The following ANO6 variants were observed in gnomAD, a reference collection of about 807,000 sequenced individuals.
ANO6 encodes anoctamin 6.
In ANO6, 106 loss-of-function variants were observed where a neutral mutation model predicts 117.5. The observed-to-expected ratio is 0.90, with a 90% CI of 0.77 to 1.06. The LOEUF (loss-of-function observed/expected upper bound fraction) is 1.06. Ranked by LOEUF, ANO6 falls within the 50% of genes least tolerant of loss-of-function variation. The probability of loss-of-function intolerance (pLI) is 0.00; values close to 1 mark genes in which losing one functional copy is unlikely to be tolerated. For missense variants in ANO6, 955 were observed against 1,121.1 expected, an observed-to-expected ratio of 0.85 and a Z score of 2.12; for synonymous variants, 367 against 385.1, an observed-to-expected ratio of 0.95 and a Z score of 0.55.
chr12:45,395,023 A>C (rs1942570316), intron 12 of ANO6, among the ~76,000 whole-genome samples: 2 of 152,202 alleles, frequency 1.3e-5, no homozygotes, highest in Non-Finnish European at 2.9e-5. Flanking sequence ...AGACACAAAA[A>C]ACCCTTCAAA....
intron 1 of ANO6, among the ~76,000 whole-genome samples, chr12:45,280,320 A>G (rs79980430): frequency 0.049 from 7,480 of 152,250 alleles, 268 homozygotes; most frequent in South Asian, 0.15. Flanking sequence ...TCAGTAACCC[A>G]GTGTGCTCAG....
At chr12:45,412,038 G>A (rs1943100002) in intron 16 of ANO6, among the ~76,000 whole-genome samples, 4 of 152,230 alleles carry the variant, frequency 2.6e-5, no homozygotes, top group African/African-American at 9.6e-5. Context: ...ACCAAGTTCT[G>A]TATGACCTGT....
chr12:45,408,269 G>A (rs541749153), intron 15 of ANO6, among the ~76,000 whole-genome samples: 29 of 152,296 alleles, frequency 1.9e-4, no homozygotes, highest in African/African-American at 6.7e-4. Context: ...CCAGATGTTA[G>A]ATCTGTATTT....
At chr12:45,248,911 A>G (rs1365379981) in intron 1 of ANO6, among the ~76,000 whole-genome samples, 1 of 152,220 alleles carries the variant, frequency 6.6e-6, no homozygotes, top group Non-Finnish European at 1.5e-5. Flanking sequence ...CTTAGCCAAA[A>G]GTAAGACTGC....
chr12:45,317,005 C>T (rs1480389373), intron 2 of ANO6, among the ~76,000 whole-genome samples: 1 of 147,002 alleles, frequency 6.8e-6, no homozygotes, highest in Non-Finnish European at 1.5e-5. Context: ...ATATAACATA[C>T]ACATTAATAT....
At chr12:45,395,066 A>G (rs1942572107) in intron 12 of ANO6, among the ~76,000 whole-genome samples, 1 of 152,214 alleles carries the variant, frequency 6.6e-6, no homozygotes, top group Admixed American at 6.5e-5. Context: ...GTTTTTTGAA[A>G]AGATCAACAA....
At chr12:45,285,728 A>C (rs1372899419) in intron 1 of ANO6, among the ~76,000 whole-genome samples, 1 of 138,410 alleles carries the variant, frequency 7.2e-6, no homozygotes, top group Admixed American at 7.1e-5. Context: ...ACTCCGTCTC[A>C]AAAAAAAAAA....
chr12:45,400,452 C>CA (rs1942753563), intron 12 of ANO6, among the ~76,000 whole-genome samples: 1 of 152,174 alleles, frequency 6.6e-6, no homozygotes, highest in African/African-American at 2.4e-5. Flanking sequence ...AAATAGATTA[C>CA]AGGAGAAATG....
chr12:45,405,902 C>T (rs1163333429), intron 15 of ANO6, among the ~76,000 whole-genome samples: 1 of 151,924 alleles, frequency 6.6e-6, no homozygotes, highest in African/African-American at 2.4e-5. Context: ...AGCGAAACTC[C>T]ATCTCGAAGA....
chr12:45,278,747 T>A (rs1362807007), intron 1 of ANO6, among the ~76,000 whole-genome samples: 1 of 152,218 alleles, frequency 6.6e-6, no homozygotes, highest in East Asian at 1.9e-4. Flanking sequence ...GCCCTCTCAG[T>A]GTCTGGGAAG....
chr12:45,301,625 A>G (rs2137305674), intron 1 of ANO6, among the ~76,000 whole-genome samples: 1 of 151,958 alleles, frequency 6.6e-6, no homozygotes, highest in African/African-American at 2.4e-5. Context: ...TCAAAAAAAA[A>G]AAAAAAAGAA....
chr12:45,387,357 A>G (rs1330101273), intron 10 of ANO6, among the ~76,000 whole-genome samples: 1 of 152,198 alleles, frequency 6.6e-6, no homozygotes, highest in East Asian at 1.9e-4. Context: ...AATGAATATT[A>G]ATTTATTTGG....
chr12:45,229,225 T>A (rs1278230772), intron 1 of ANO6, among the ~76,000 whole-genome samples: 1 of 152,074 alleles, frequency 6.6e-6, no homozygotes, highest in African/African-American at 2.4e-5. Flanking sequence ...TCACCTTAAT[T>A]TGGCCAAGGG....
At chr12:45,361,773 C>G (rs1395862064) in intron 8 of ANO6, among the ~76,000 whole-genome samples, 1 of 152,046 alleles carries the variant, frequency 6.6e-6, no homozygotes, top group Non-Finnish European at 1.5e-5. Context: ...GTTCGTTATT[C>G]TATTAATATG....
chr12:45,357,489 G>T, intron 8 of ANO6, 65 bp downstream of exon 8: 1 of 1,586,766 alleles, frequency 6.3e-7, no homozygotes, highest in South Asian at 1.1e-5. Context: ...TATTTTCATG[G>T]TCTTAAACTG....
chr12:45,408,240 G>A (rs1454991591), intron 15 of ANO6, among the ~76,000 whole-genome samples: 1 of 152,194 alleles, frequency 6.6e-6, no homozygotes, highest in African/African-American at 2.4e-5. Flanking sequence ...ACACCCACAT[G>A]TTTAATCAGC....
At chr12:45,327,826 T>C (rs1420896024) in intron 2 of ANO6, among the ~76,000 whole-genome samples, 2 of 152,094 alleles carry the variant, frequency 1.3e-5, no homozygotes, top group African/African-American at 4.8e-5. Flanking sequence ...GTGTTGAGTA[T>C]ATATTTTATC....
At position 45,404,334 on chromosome 12, in the gene ANO6, T is replaced by G. The variant is rs187516192; in HGVS notation, c.1880+798T>G. ...ACTTAGGCCCCCTCCACTATCAAAG[T>G]GTAAAGTCCAACACCATCTGCAATT... On this transcript the variant is annotated intron_variant, in intron 15 of 19. Coordinates refer to ENST00000320560, the MANE Select transcript of ANO6 (RefSeq NM_001025356.3). Among the ~76,000 whole-genome samples the G allele has an allele frequency of 2.8e-3, 419 of 152,336 alleles. 1 individual carries two copies. Among genetic ancestry groups the G allele is most frequent in the Non-Finnish European group, 5.2e-3 (353 of 68,036 alleles).
intron 1 of ANO6, among the ~76,000 whole-genome samples, chr12:45,240,351 ATTTTTTTTTTTTTTT>A (rs57126852): frequency 8.8e-4 from 27 of 30,736 alleles, no homozygotes; most frequent in South Asian, 7.0e-3. Context: ...GCAACCCCTG[ATTTTTTTTTTTTTTT>A]TTTTTTTTTT....
Sources: gnomAD v4.1 joint callset for allele counts (sites outside exome capture counted in the v4.1 genomes callset) on GRCh38, gnomAD v4.1.1 for gene constraint, MANE v1.5 for transcripts, NCBI Gene and HGNC (gene_info 2026-07-23, HGNC 2026-07-21) for gene names.